The following ZSWIM6 variants were observed in gnomAD, a reference collection of about 807,000 sequenced individuals.
ZSWIM6 encodes the protein zinc finger SWIM domain-containing protein 6.
In ZSWIM6, 9 loss-of-function variants were observed where a neutral mutation model predicts 113.2. That is an observed-to-expected ratio of 0.08 (90% CI 0.05 to 0.14). The LOEUF is 0.14. ZSWIM6 is among the 10% of genes least tolerant of loss of function. The pLI is 1.00. For missense variants in ZSWIM6, 1,162 were observed against 1,552.2 expected (o/e 0.75, Z 4.22); for synonymous variants, 611 against 606.5 (o/e 1.01, Z -0.11).
At chr5:61,349,202 G>A (rs1465056718) in intron 1 of ZSWIM6, among the ~76,000 whole-genome samples, 2 of 151,870 alleles carry the variant, frequency 1.3e-5, no homozygotes, top group African/African-American at 4.8e-5. Context: ...GTTTTTTTGG[G>A]GTGAGAATTA....
intron 1 of ZSWIM6, among the ~76,000 whole-genome samples, chr5:61,438,013 C>T (rs1053951655): frequency 1.6e-4 from 24 of 151,934 alleles, no homozygotes; most frequent in African/African-American, 5.8e-4. Flanking sequence ...CTCTCAGTTT[C>T]CTGCTGAGTA....
chr5:61,520,621 G>A (rs1423701727), intron 4 of ZSWIM6, among the ~76,000 whole-genome samples: 1 of 151,988 alleles, frequency 6.6e-6, no homozygotes, highest in Non-Finnish European at 1.5e-5. Flanking sequence ...TTTGAAAGAC[G>A]TATTTTACTG....
intron 1 of ZSWIM6, among the ~76,000 whole-genome samples, chr5:61,413,763 C>T (rs375078216): frequency 1.4e-4 from 22 of 152,152 alleles, no homozygotes; most frequent in South Asian, 2.1e-4. Flanking sequence ...TTGCATTTCT[C>T]TGATGGCCAG....
intron 1 of ZSWIM6, among the ~76,000 whole-genome samples, chr5:61,454,426 T>G (rs980868026): frequency 6.6e-6 from 1 of 151,778 alleles, no homozygotes; most frequent in African/African-American, 2.4e-5. Flanking sequence ...CAACTAATTT[T>G]TAAATTTTTT....
chr5:61,478,506 T>C (rs891235895), intron 2 of ZSWIM6, among the ~76,000 whole-genome samples: 22 of 152,308 alleles, frequency 1.4e-4, no homozygotes, highest in Admixed American at 9.8e-4. Flanking sequence ...GGTCTTCAGT[T>C]TTTTTCTCTT....
chr5:61,337,721 T>G (rs1245359994), intron 1 of ZSWIM6, among the ~76,000 whole-genome samples: 9 of 152,218 alleles, frequency 5.9e-5, no homozygotes, highest in Admixed American at 5.2e-4. Flanking sequence ...AAAACAAAAA[T>G]ACTTGCATAT....
intron 13 of ZSWIM6, among the ~76,000 whole-genome samples, chr5:61,542,335 G>T (rs1192077484): frequency 1.3e-5 from 2 of 152,162 alleles, no homozygotes; most frequent in Non-Finnish European, 2.9e-5. Flanking sequence ...CACTGGGTGT[G>T]GTTTAGGTGA....
chr5:61,403,529 C>CTA (rs1457737196), intron 1 of ZSWIM6, among the ~76,000 whole-genome samples: 2 of 152,190 alleles, frequency 1.3e-5, no homozygotes, highest in Non-Finnish European at 2.9e-5. Flanking sequence ...ACTATGAGCC[C>CTA]TATAGCTCCT....
At chr5:61,341,241 G>A (rs1744538419) in intron 1 of ZSWIM6, among the ~76,000 whole-genome samples, 1 of 14,828 alleles carries the variant, frequency 6.7e-5, no homozygotes, top group Non-Finnish European at 1.2e-4. Context: ...CCCTACAATG[G>A]GGGTGCATCC....
chr5:61,543,056 C>T lies in ZSWIM6; in HGVS notation c.2786-399C>T, dbSNP rs890781328. Among the ~76,000 whole-genome samples the T allele has an allele frequency of 6.6e-6, 1 of 152,140 alleles. No individual in the cohort carries two copies. ...AACTTTTGTATTATGTGTACTTTTA[C>T]CTTACACACAAGCACATAAGCCATG... On this transcript the variant is annotated intron_variant, in intron 13 of 13. Coordinates refer to ENST00000252744, the MANE Select transcript of ZSWIM6 (RefSeq NM_020928.2). The surrounding 1 kb of genome is among the most constrained non-coding windows in gnomAD (Gnocchi z 4.3).
At chr5:61,474,246 A>C (rs1273134167) in intron 2 of ZSWIM6, among the ~76,000 whole-genome samples, 1 of 152,246 alleles carries the variant, frequency 6.6e-6, no homozygotes, top group Non-Finnish European at 1.5e-5. Context: ...ATAATACAGT[A>C]TGATTCTTGT....
chr5:61,531,472 G>T lies in ZSWIM6; in HGVS notation c.1992G>T (p.Met664Ile), dbSNP rs1235180056. Residue 664 changes from methionine to isoleucine, a missense_variant, in exon 9 of 14, where the codon ATG (methionine) becomes ATT (isoleucine). Physicochemically the swap from Met to Ile is conservative, Grantham distance 10. This residue lies in a region of ZSWIM6 where 620 missense variants were observed against 804.6 expected (regional missense o/e 0.77). Transcript: ENST00000252744. The stretch of plus-strand genomic sequence containing the variant: ...TTTTGTGGCATTTTGCAGAGAATAT[G>T]GGACAGTGCAAGTCTCTGGAATACC... ...LSGFSDFTEN[M>I]GQCKSLEYQH... 1 of 1,549,762 alleles carries T rather than the reference G, an allele frequency of 6.5e-7. No individual in the cohort carries two copies. Among genetic ancestry groups the T allele is most frequent in the Non-Finnish European group, 8.7e-7 (1 of 1,145,506 alleles).
chr5:61,513,981 G>C (rs1340094209), intron 4 of ZSWIM6, among the ~76,000 whole-genome samples: 1 of 152,116 alleles, frequency 6.6e-6, no homozygotes, highest in East Asian at 1.9e-4. Flanking sequence ...ACACTGGCTA[G>C]GATTTTCAGT....
chr5:61,332,565 T>G lies in ZSWIM6; in HGVS notation c.293T>G (p.Phe98Cys). ...KWPFQRVEER[F>C]ERIPEPVQRR... ...CCGTTCCAGCGCGTGGAGGAGCGCT[T>G]TGAGCGCATCCCGGAGCCGGTGCAG... Residue 98 changes from phenylalanine to cysteine, a missense_variant, in exon 1 of 14, where the codon TTT (phenylalanine) becomes TGT (cysteine). Phe to Cys is a radical substitution (Grantham distance 205). This residue lies in a region of ZSWIM6 where 333 missense variants were observed against 293.4 expected (regional missense o/e 1.13). Transcript: ENST00000252744. 2 of 1,360,964 alleles carry G rather than the reference T, an allele frequency of 1.5e-6. No homozygotes were observed. The highest frequency in any genetic ancestry group is 1.9e-6 in the Non-Finnish European group (2 of 1,029,828). The allele number at this position is 1,360,964 out of a possible 1,614,324, so 84.3% of individuals were successfully genotyped here.
chr5:61,466,698 A>G (rs1448088456), intron 1 of ZSWIM6, among the ~76,000 whole-genome samples: 2 of 152,334 alleles, frequency 1.3e-5, no homozygotes, highest in East Asian at 3.9e-4. Context: ...CTTTCAGTTT[A>G]TAACAGTCTT....
intron 1 of ZSWIM6, among the ~76,000 whole-genome samples, chr5:61,461,041 G>A (rs982878373): frequency 6.6e-6 from 1 of 152,120 alleles, no homozygotes; most frequent in Admixed American, 6.5e-5. Context: ...TAAAAATTAT[G>A]TTGGTAAAAA....
chr5:61,333,272 C>T (rs1744307188), intron 1 of ZSWIM6, among the ~76,000 whole-genome samples: 2 of 151,522 alleles, frequency 1.3e-5, no homozygotes, highest in Admixed American at 6.6e-5. Context: ...TCGCCGGTTT[C>T]GGGGGTGGAT....
chr5:61,516,894 C>T (rs1748960176), intron 4 of ZSWIM6, among the ~76,000 whole-genome samples: 1 of 152,038 alleles, frequency 6.6e-6, no homozygotes, highest in African/African-American at 2.4e-5. Context: ...TATATTTCAT[C>T]ATCACTCCTG....
chr5:61,435,285 CA>C (rs1217818353), intron 1 of ZSWIM6, among the ~76,000 whole-genome samples: 28 of 152,042 alleles, frequency 1.8e-4, no homozygotes, highest in African/African-American at 6.5e-4. Flanking sequence ...TTCATTTAGC[CA>C]AATGGATTGA....
Sources: gnomAD v4.1 joint callset for allele counts (sites outside exome capture counted in the v4.1 genomes callset) on GRCh38, gnomAD v4.1.1 for gene constraint, gnomAD v4.1.1 regional missense constraint, Gnocchi (gnomAD v3.1) non-coding constraint, MANE v1.5 for transcripts, NCBI Gene and HGNC (gene_info 2026-07-23, HGNC 2026-07-21) for gene names.